The following GABRB1 variants were observed in gnomAD, a reference collection of about 807,000 sequenced individuals.
GABRB1 encodes gamma-aminobutyric acid receptor subunit beta-1.
A neutral mutation model predicts 51.6 loss-of-function variants in GABRB1; 17 were observed. The observed-to-expected ratio is 0.33, with a 90% CI of 0.23 to 0.49. The LOEUF is 0.49. GABRB1 is among the 20% of genes least tolerant of loss of function. The pLI is 0.99. For synonymous variants in GABRB1, 247 were observed against 218.9 expected, an observed-to-expected ratio of 1.13 and a Z score of -1.14; for missense variants, 410 against 600.6, an observed-to-expected ratio of 0.68 and a Z score of 3.32.
Position 47,417,866 on chromosome 4 carries a change from T to C in GABRB1, c.1081-7808T>C, listed in dbSNP as rs575987741. Among the ~76,000 whole-genome samples, 57 of 152,344 alleles carry C rather than the reference T, an allele frequency of 3.7e-4. No individual in the cohort carries two copies. The Middle Eastern group carries it at 0.01, about 27-fold the overall frequency. On this transcript the variant is annotated intron_variant, in intron 8 of 8. Coordinates refer to ENST00000295454, the MANE Select transcript of GABRB1 (RefSeq NM_000812.4). ...CACTGAAAACAAGATTATATTTTAT[T>C]CCAATTACACTAAAATGAGTTCAGC...
intron 4 of GABRB1, among the ~76,000 whole-genome samples, chr4:47,202,923 C>T (rs1340026656): frequency 6.6e-6 from 1 of 152,074 alleles, no homozygotes; most frequent in African/African-American, 2.4e-5. Flanking sequence ...CTGTTGTGCT[C>T]ATTCATGCCC....
chr4:47,401,746 G>A (rs2110049461), intron 5 of GABRB1, among the ~76,000 whole-genome samples: 1 of 152,262 alleles, frequency 6.6e-6, no homozygotes, highest in East Asian at 1.9e-4. Context: ...AAGGAGTTTT[G>A]TATTCTAAAA....
At position 47,348,373 on chromosome 4, in the gene GABRB1, A is replaced by G. The variant is rs139562052; in HGVS notation, c.544+28164A>G. On this transcript the variant is annotated intron_variant, in intron 5 of 8. Transcript: ENST00000295454. ...GATGCCAAAAAACCACGAATTGCCC[A>G]CATTGGTGGCTAAGATAGTGACACC... is the stretch of plus-strand genomic sequence containing the variant. 2.8e-3 allele frequency among the ~76,000 whole-genome samples: 421 copies of G among 152,352 alleles called. 2 individuals are homozygous for G. The highest frequency in any genetic ancestry group is 9.6e-3 in the African/African-American group (400 of 41,574).
At position 47,269,935 on chromosome 4, in the gene GABRB1, TACAC is replaced by T. The variant is rs10639386; in HGVS notation, c.462-50154_462-50151del. On this transcript the variant is annotated intron_variant, in intron 4 of 8. Transcript: ENST00000295454. Reference sequence around the variant, plus strand: ...CTAAGGTGTCCTTGTCAACTCTCCCTACACACACACACACACACACACACACACA... The same window carrying T: ...CTAAGGTGTCCTTGTCAACTCTCCCTACACACACACACACACACACACACA... Among the ~76,000 whole-genome samples the T allele has an allele frequency of 2.6e-3, 355 of 136,054 alleles. 4 individuals carry two copies. Among genetic ancestry groups the T allele is most frequent in the South Asian group, 0.012 (47 of 3,824 alleles). 89.3% of individuals were successfully genotyped at this position (136,054 alleles called of 152,430 possible). A position where few individuals can be genotyped will look rare whatever the true frequency, so the allele number is the denominator to read the frequency against.
At chr4:47,275,420 G>C (rs114021644) in intron 4 of GABRB1, among the ~76,000 whole-genome samples, 402 of 152,256 alleles carry the variant, frequency 2.6e-3, no homozygotes, top group Middle Eastern at 0.02. Flanking sequence ...CTTACAAGCT[G>C]AGTGACTTTG....
At chr4:47,311,153 G>T (rs1724657852) in intron 4 of GABRB1, among the ~76,000 whole-genome samples, 1 of 151,820 alleles carries the variant, frequency 6.6e-6, no homozygotes, top group South Asian at 2.1e-4. Flanking sequence ...CAGCACTCTG[G>T]GAGGCCAAGG....
At chr4:47,111,399 T>A (rs1168490493) in intron 3 of GABRB1, among the ~76,000 whole-genome samples, 3 of 151,696 alleles carry the variant, frequency 2.0e-5, no homozygotes, top group African/African-American at 7.3e-5. Context: ...GATATATCTA[T>A]AAATCCATAT....
At chr4:47,019,621 CTCTCTCTT>C (rs1724853015) in intron 1 of GABRB1, among the ~76,000 whole-genome samples, 2 of 61,986 alleles carry the variant, frequency 3.2e-5, no homozygotes, top group Non-Finnish European at 6.3e-5. Flanking sequence ...TTCTTTCTTT[CTCTCTCTT>C]TCTTTCTTTC....
chr4:47,168,966 C>T (rs928654472), intron 4 of GABRB1, among the ~76,000 whole-genome samples: 1 of 152,000 alleles, frequency 6.6e-6, no homozygotes, highest in African/African-American at 2.4e-5. Context: ...TAAATGTCCC[C>T]CTTTTGTAAG....
At chr4:47,235,556 A>C (rs1721301635) in intron 4 of GABRB1, among the ~76,000 whole-genome samples, 2 of 147,314 alleles carry the variant, frequency 1.4e-5, no homozygotes, top group Non-Finnish European at 1.5e-5. Flanking sequence ...TAAAAAAAAA[A>C]CCAAAAAAAA....
chr4:47,147,401 G>A (rs1249110393), intron 3 of GABRB1, among the ~76,000 whole-genome samples: 1 of 151,928 alleles, frequency 6.6e-6, no homozygotes, highest in East Asian at 1.9e-4. Flanking sequence ...TAACTGGGAT[G>A]TCTATCTTTG....
chr4:47,021,983 T>C (rs183813364), intron 1 of GABRB1, among the ~76,000 whole-genome samples: 121 of 152,238 alleles, frequency 7.9e-4, no homozygotes, highest in African/African-American at 2.8e-3. Context: ...AATTATGGCT[T>C]ATTTAAAATA....
chr4:47,197,125 G>A (rs1188724865), intron 4 of GABRB1, among the ~76,000 whole-genome samples: 1 of 152,200 alleles, frequency 6.6e-6, no homozygotes, highest in Non-Finnish European at 1.5e-5. Flanking sequence ...GATTTCCTCT[G>A]GCAATGGTTA....
intron 4 of GABRB1, among the ~76,000 whole-genome samples, chr4:47,243,532 T>C (rs1721617067): frequency 6.6e-6 from 1 of 152,246 alleles, no homozygotes; most frequent in Admixed American, 6.5e-5. Flanking sequence ...TGGAATGTTC[T>C]TCCATTTGTT....
intron 4 of GABRB1, among the ~76,000 whole-genome samples, chr4:47,257,734 C>A (rs548169554): frequency 1.5e-4 from 23 of 151,746 alleles, no homozygotes; most frequent in Non-Finnish European, 2.9e-4. Context: ...TCTTTGGCCT[C>A]TTTACCAGTT....
intron 5 of GABRB1, among the ~76,000 whole-genome samples, chr4:47,326,241 G>T (rs1371135790): frequency 6.6e-6 from 1 of 152,132 alleles, no homozygotes; most frequent in Non-Finnish European, 1.5e-5. Context: ...CAAAGCAGAT[G>T]ATGCTCCCTT....
chr4:47,143,691 A>G (rs1476432540), intron 3 of GABRB1, among the ~76,000 whole-genome samples: 1 of 151,906 alleles, frequency 6.6e-6, no homozygotes, highest in Non-Finnish European at 1.5e-5. Flanking sequence ...AAAATAATCT[A>G]ACATTCTCTT....
chr4:47,150,460 TAATAG>T (rs1717390400), intron 3 of GABRB1, among the ~76,000 whole-genome samples: 2 of 151,778 alleles, frequency 1.3e-5, no homozygotes, highest in Non-Finnish European at 2.9e-5. Context: ...CAATGAGCAT[TAATAG>T]AATAATGATT....
intron 5 of GABRB1, among the ~76,000 whole-genome samples, chr4:47,327,344 G>A (rs866377052): frequency 2.7e-5 from 4 of 148,454 alleles, no homozygotes; most frequent in African/African-American, 9.9e-5. Flanking sequence ...AAAAAAAAAA[G>A]AGTAGGATCT....
Sources: gnomAD v4.1 joint callset for allele counts (sites outside exome capture counted in the v4.1 genomes callset) on GRCh38, gnomAD v4.1.1 for gene constraint, MANE v1.5 for transcripts, NCBI Gene and HGNC (gene_info 2026-07-23, HGNC 2026-07-21) for gene names.